Variants in ATG10 observed in about 807,000 individuals in gnomAD.
ATG10 encodes autophagy related 10.
ATG10 carries 30 observed loss-of-function variants against 32.1 expected under a neutral mutation model. The ratio of observed to expected loss-of-function variants is 0.94; its 90% CI spans 0.70 to 1.27. ATG10 has a LOEUF of 1.27. Ranked by LOEUF, ATG10 falls within the 50% of genes most tolerant of loss-of-function variation. The pLI is 0.00. For synonymous variants in ATG10, 87 were observed against 91.5 expected (o/e 0.95, Z 0.28); for missense variants, 233 against 262.3 (o/e 0.89, Z 0.77).
intron 2 of ATG10, among the ~76,000 whole-genome samples, chr5:81,998,502 A>G (rs982828970): frequency 6.6e-6 from 1 of 152,238 alleles, no homozygotes; most frequent in African/African-American, 2.4e-5. Context: ...TAACCAGCTA[A>G]CAACATGATA....
At chr5:82,090,144 C>T (rs78282725) in intron 3 of ATG10, among the ~76,000 whole-genome samples, 1,794 of 151,272 alleles carry the variant, frequency 0.012, 25 homozygotes, top group African/African-American at 0.042. Flanking sequence ...AACTGAATCA[C>T]TCAAACATTG....
intron 3 of ATG10, chr5:82,073,206 A>G (rs1355470931): frequency 2.0e-5 from 3 of 152,234 alleles, no homozygotes; most frequent in Non-Finnish European, 2.9e-5. Flanking sequence ...TGCATACCTG[A>G]AACCAAGGTT....
intron 5 of ATG10, among the ~76,000 whole-genome samples, chr5:82,241,707 C>T (rs1462555096): frequency 2.6e-5 from 4 of 152,096 alleles, no homozygotes; most frequent in African/African-American, 4.8e-5. Flanking sequence ...TCAACTGTTA[C>T]CTCTGCAATT....
chr5:82,139,635 T>G (rs1242690257), intron 3 of ATG10, among the ~76,000 whole-genome samples: 5 of 109,754 alleles, frequency 4.6e-5, no homozygotes, highest in Non-Finnish European at 9.5e-5. Flanking sequence ...GTGAGGAGCG[T>G]CTCCGCCCAG....
chr5:82,210,648 C>T (rs1298151690), intron 5 of ATG10, among the ~76,000 whole-genome samples: 1 of 151,998 alleles, frequency 6.6e-6, no homozygotes, highest in African/African-American at 2.4e-5. Context: ...TTTCCTAGTT[C>T]CTAGTGGGAA....
intron 5 of ATG10, among the ~76,000 whole-genome samples, chr5:82,183,927 A>G (rs568598874): frequency 1.3e-5 from 2 of 152,186 alleles, no homozygotes; most frequent in African/African-American, 4.8e-5. Flanking sequence ...AGTTTACCTC[A>G]TCTTTAGCCA....
intron 3 of ATG10, among the ~76,000 whole-genome samples, chr5:82,094,285 T>G (rs1764983190): frequency 6.6e-6 from 1 of 152,138 alleles, no homozygotes; most frequent in African/African-American, 2.4e-5. Context: ...TTTGTACAGT[T>G]TTTTAGTTGT....
rs371795120 is a variant in ATG10, at chr5:82,020,274, A to G, written c.108+32596A>G. On this transcript the variant is annotated intron_variant, in intron 2 of 7. Transcript: ENST00000282185. ...GAAGCTTATTCAAGCTGCTGAGGTTATGGGTTGAACTACAGGGAGAAAAGG... is the reference window on the plus strand; with the variant it reads ...GAAGCTTATTCAAGCTGCTGAGGTTGTGGGTTGAACTACAGGGAGAAAAGG... Among the ~76,000 whole-genome samples, 73 of 152,314 alleles carry G rather than the reference A, an allele frequency of 4.8e-4. 1 individual carries two copies. In the South Asian group the frequency reaches 0.012, roughly 25 times the overall value.
At position 82,082,976 on chromosome 5, in the gene ATG10, G is replaced by C. The variant is rs372864596; in HGVS notation, c.216+24374G>C. On this transcript the variant is annotated intron_variant, in intron 3 of 7. Coordinates refer to ENST00000282185, the MANE Select transcript of ATG10 (RefSeq NM_031482.5). ...TCTGCATTTCCAACTGAGGTACCGG[G>C]TTCATCTCACTGGGGCTTGTCAGAC... is the stretch of plus-strand genomic sequence containing the variant. Among the ~76,000 whole-genome samples, 10 of 152,316 alleles carry C rather than the reference G, an allele frequency of 6.6e-5. No homozygotes were observed. The East Asian group carries it at 1.2e-3, about 18-fold the overall frequency.
chr5:82,144,154 A>C (rs1767255715), intron 3 of ATG10, among the ~76,000 whole-genome samples: 1 of 152,012 alleles, frequency 6.6e-6, no homozygotes, highest in Non-Finnish European at 1.5e-5. Flanking sequence ...TTTAGTGTTT[A>C]TAGCATTTTT....
chr5:82,015,141 G>T (rs545135631), intron 2 of ATG10, among the ~76,000 whole-genome samples: 1 of 152,196 alleles, frequency 6.6e-6, no homozygotes, highest in Non-Finnish European at 1.5e-5. Context: ...CTTTAAGAAT[G>T]TTGAATATTG....
At chr5:82,140,128 G>A (rs1328310914) in intron 3 of ATG10, among the ~76,000 whole-genome samples, 2 of 112,880 alleles carry the variant, frequency 1.8e-5, no homozygotes, top group East Asian at 3.0e-4. Flanking sequence ...GCCTCTGCCC[G>A]GCCGCCCCTT....
At chr5:82,046,580 G>A (rs2149734420) in intron 2 of ATG10, among the ~76,000 whole-genome samples, 1 of 152,326 alleles carries the variant, frequency 6.6e-6, no homozygotes, top group East Asian at 1.9e-4. Context: ...CCAGTTTGTG[G>A]TACTTTGTAC....
intron 3 of ATG10, among the ~76,000 whole-genome samples, chr5:82,109,927 A>G (rs1244180551): frequency 6.6e-6 from 1 of 150,440 alleles, no homozygotes; most frequent in Non-Finnish European, 1.5e-5. Flanking sequence ...TACATTAGGT[A>G]TATCTCCTAA....
At chr5:82,209,283 C>T (rs1745410310) in intron 5 of ATG10, among the ~76,000 whole-genome samples, 1 of 151,792 alleles carries the variant, frequency 6.6e-6, no homozygotes, top group South Asian at 2.1e-4. Context: ...TTATATATTG[C>T]TGTAGACTGA....
At chr5:82,116,375 A>T (rs931662041) in intron 3 of ATG10, among the ~76,000 whole-genome samples, 1 of 152,122 alleles carries the variant, frequency 6.6e-6, no homozygotes, top group Non-Finnish European at 1.5e-5. Flanking sequence ...GTTAAAGTAG[A>T]GAAGAATGAT....
chr5:82,120,778 C>T (rs1302380891), intron 3 of ATG10, among the ~76,000 whole-genome samples: 2 of 152,020 alleles, frequency 1.3e-5, no homozygotes, highest in African/African-American at 2.4e-5. Flanking sequence ...AAGACTTGAC[C>T]TCAAAGGAAC....
At chr5:82,052,512 A>C (rs1309342409) in intron 2 of ATG10, among the ~76,000 whole-genome samples, 2 of 152,216 alleles carry the variant, frequency 1.3e-5, no homozygotes, top group African/African-American at 4.8e-5. Context: ...GCCTGGAGGC[A>C]TATGTGCAAA....
chr5:82,164,535 T>G lies in ATG10; in HGVS notation c.353T>G (p.Leu118Ter), dbSNP rs767228438. ...GTACTTTACTTTAGGGCAAGCTTTT[T>G]AGGTAAGAACATGTCTGAAGCTAAA... Reference protein sequence around the residue: ...VPVLYFRASFLDGRPLTLKDI... With the variant: ...VPVLYFRASF Residue 118 changes from leucine (L) to a stop codon, truncating the protein, a stop_gained and splice_region_variant, in exon 4 of 8, where the codon TTA becomes TGA. Transcript: ENST00000282185. LOFTEE classifies it high-confidence loss of function. 2 of 1,610,330 alleles carry G rather than the reference T, an allele frequency of 1.2e-6. No individual in the cohort carries two copies. The highest frequency in any genetic ancestry group is 1.7e-6 in the Non-Finnish European group (2 of 1,177,610).
Sources: allele counts gnomAD v4.1 joint callset (sites outside exome capture counted in the v4.1 genomes callset), GRCh38; gene constraint gnomAD v4.1.1; transcripts MANE v1.5; gene names NCBI Gene and HGNC (gene_info 2026-07-23, HGNC 2026-07-21).